Variants in SYT9 observed in about 807,000 individuals in gnomAD.
The protein encoded by SYT9 is synaptotagmin-9.
In SYT9, 22 loss-of-function variants were observed where a neutral mutation model predicts 48.4. That is an observed-to-expected ratio of 0.45 (90% CI 0.32 to 0.65). SYT9 has a LOEUF of 0.65. SYT9 is among the 30% of genes least tolerant of loss of function. The pLI is 0.03. For synonymous variants in SYT9, 265 were observed against 245.0 expected, an observed-to-expected ratio of 1.08 and a Z score of -0.76; for missense variants, 577 against 622.0, an observed-to-expected ratio of 0.93 and a Z score of 0.77.
At chr11:7,379,944 A>T (rs560634765) in intron 3 of SYT9, among the ~76,000 whole-genome samples, 4 of 152,200 alleles carry the variant, frequency 2.6e-5, no homozygotes, top group Non-Finnish European at 5.9e-5. Context: ...TGCTGGGTAT[A>T]TACCCAAAAG....
intron 2 of SYT9, among the ~76,000 whole-genome samples, chr11:7,308,188 T>C (rs1564855974): frequency 6.6e-6 from 1 of 152,194 alleles, no homozygotes; most frequent in Non-Finnish European, 1.5e-5. Context: ...ATTTCCATAA[T>C]TCCCTGCCTT....
intron 5 of SYT9, among the ~76,000 whole-genome samples, chr11:7,420,269 C>T (rs1847325778): frequency 6.6e-6 from 1 of 152,182 alleles, no homozygotes; most frequent in Admixed American, 6.5e-5. Context: ...GTTCTTTGAA[C>T]AAGGTTCTTG....
chr11:7,330,938 A>G (rs1430722186), intron 3 of SYT9, among the ~76,000 whole-genome samples: 2 of 151,770 alleles, frequency 1.3e-5, no homozygotes, highest in East Asian at 2.0e-4. Context: ...CTCAAGCAAT[A>G]CAGGTGTCCA....
At chr11:7,298,519 C>CT (rs933537003) in intron 1 of SYT9, among the ~76,000 whole-genome samples, 1 of 152,000 alleles carries the variant, frequency 6.6e-6, no homozygotes, top group Non-Finnish European at 1.5e-5. Flanking sequence ...CATGGTTTTT[C>CT]TTTTTTTGTC....
intron 6 of SYT9, among the ~76,000 whole-genome samples, chr11:7,422,204 AGGCCC>A (rs1476512067): frequency 6.6e-6 from 1 of 152,154 alleles, no homozygotes; most frequent in Non-Finnish European, 1.5e-5. Context: ...AGAGGCAGAG[AGGCCC>A]CAAACCCAGA....
At position 7,261,751 on chromosome 11, in the gene SYT9, A is replaced by G. The variant is rs1429364599; in HGVS notation, c.145+9420A>G. Among the ~76,000 whole-genome samples the G allele has an allele frequency of 3.9e-5, 6 of 152,088 alleles. No individual in the cohort carries two copies. The East Asian group carries it at 1.2e-3, about 29-fold the overall frequency. ...GAGAGCGGCGGGTACAAAGGTCTCA[A>G]GGCAGGAGCATGCTTGACGTGTTCA... On this transcript the variant is annotated intron_variant, in intron 1 of 6. Transcript: ENST00000318881.
chr11:7,409,517 G>A (rs987574661), intron 3 of SYT9, among the ~76,000 whole-genome samples: 1 of 151,974 alleles, frequency 6.6e-6, no homozygotes, highest in African/African-American at 2.4e-5. Context: ...TTCTTTCTTG[G>A]GAGACTTTGT....
chr11:7,280,958 A>G (rs1257475894), intron 1 of SYT9, among the ~76,000 whole-genome samples: 2 of 152,144 alleles, frequency 1.3e-5, no homozygotes, highest in Non-Finnish European at 2.9e-5. Flanking sequence ...TGAATTTTAC[A>G]TTTATATAAT....
intron 1 of SYT9, among the ~76,000 whole-genome samples, chr11:7,265,654 A>G (rs1161533570): frequency 1.4e-5 from 2 of 142,394 alleles, no homozygotes; most frequent in Non-Finnish European, 1.5e-5. Context: ...TGTGTTTACT[A>G]TCTATCATGG....
At chr11:7,355,762 G>A (rs1331503919) in intron 3 of SYT9, among the ~76,000 whole-genome samples, 3 of 152,256 alleles carry the variant, frequency 2.0e-5, no homozygotes, top group African/African-American at 4.8e-5. Context: ...TCTTATCAAG[G>A]TTAAGTGGAA....
intron 3 of SYT9, among the ~76,000 whole-genome samples, chr11:7,405,807 A>G (rs1319452332): frequency 1.3e-5 from 2 of 152,174 alleles, no homozygotes; most frequent in African/African-American, 2.4e-5. Flanking sequence ...GAATTTTGTC[A>G]TTTTAATTTT....
chr11:7,246,914 A>G (rs1246038105), upstream of SYT9, among the ~76,000 whole-genome samples: 1 of 152,216 alleles, frequency 6.6e-6, no homozygotes, highest in South Asian at 2.1e-4. Context: ...ACAAAATAGC[A>G]TATACTGGGT....
chr11:7,373,924 TTTATTA>T (rs1256297779), intron 3 of SYT9, among the ~76,000 whole-genome samples: 2 of 152,012 alleles, frequency 1.3e-5, no homozygotes, highest in East Asian at 3.9e-4. Context: ...AGAGAGTTCT[TTTATTA>T]TTATTATTAT....
intron 6 of SYT9, among the ~76,000 whole-genome samples, chr11:7,429,418 T>C (rs7925920): frequency 0.32 from 48,626 of 152,004 alleles, 7,961 homozygotes; most frequent in African/African-American, 0.39. Flanking sequence ...GATCCAGGTT[T>C]AGGGAGAAAC....
At chr11:7,415,989 G>C (rs888687310) in intron 3 of SYT9, 53 bp from the exon 4 acceptor site, 62 of 1,611,828 alleles carry the variant, frequency 3.8e-5, no homozygotes, top group Non-Finnish European at 5.3e-5. Context: ...TGAGCCTCTT[G>C]CACACCAGGC....
chr11:7,452,118 A>AACACAC (rs142000557), intron 6 of SYT9, among the ~76,000 whole-genome samples: 11,279 of 147,536 alleles, frequency 0.076, 750 homozygotes, highest in African/African-American at 0.17. Flanking sequence ...TTATATTTAA[A>AACACAC]ACACACACAC....
intron 1 of SYT9, among the ~76,000 whole-genome samples, chr11:7,278,679 A>G (rs1345811607): frequency 6.6e-6 from 1 of 152,246 alleles, no homozygotes; most frequent in African/African-American, 2.4e-5. Context: ...TTTTGAATGA[A>G]TAAAACTAGG....
At chr11:7,297,102 C>CAG (rs35567024) in intron 1 of SYT9, among the ~76,000 whole-genome samples, 1,593 of 143,728 alleles carry the variant, frequency 0.011, 17 homozygotes, top group East Asian at 0.042. Flanking sequence ...GAGAGAGAGA[C>CAG]AGAGAGAGAG....
intron 3 of SYT9, 177 bp downstream of exon 3, chr11:7,314,118 G>T: frequency 1.3e-6 from 1 of 761,082 alleles, no homozygotes; most frequent in Non-Finnish European, 2.2e-6. Context: ...TATTGATTTT[G>T]AAGTTTCCAA....
Sources: gnomAD v4.1 joint callset for allele counts (sites outside exome capture counted in the v4.1 genomes callset) on GRCh38, gnomAD v4.1.1 for gene constraint, MANE v1.5 for transcripts, NCBI Gene and HGNC (gene_info 2026-07-23, HGNC 2026-07-21) for gene names.